Variants in MARCHF1 observed in about 807,000 individuals in gnomAD.
MARCHF1 encodes the protein membrane associated ring-CH-type finger 1.
Under a neutral mutation model 54.2 loss-of-function variants are expected in MARCHF1, and 40 were observed. That is an observed-to-expected ratio of 0.74 (90% CI 0.57 to 0.96). The LOEUF (loss-of-function observed/expected upper bound fraction) is 0.96, where lower values mean the gene tolerates loss of function less well. Among genes scored for constraint, MARCHF1 ranks in the 40% least tolerant of loss-of-function variants. MARCHF1 has a pLI of 0.00. For synonymous variants in MARCHF1, 236 were observed against 236.3 expected (o/e 1.00, Z 0.01); for missense variants, 586 against 656.5 (o/e 0.89, Z 1.17).
At chr4:164,024,752 T>C (rs1753731265) in intron 2 of MARCHF1, among the ~76,000 whole-genome samples, 1 of 152,100 alleles carries the variant, frequency 6.6e-6, no homozygotes, top group Non-Finnish European at 1.5e-5. Flanking sequence ...TAACCCTAAA[T>C]GTAAATGGTC....
chr4:164,287,341 C>T (rs1043079206), intron 1 of MARCHF1, among the ~76,000 whole-genome samples: 3 of 152,006 alleles, frequency 2.0e-5, no homozygotes, highest in African/African-American at 7.2e-5. Flanking sequence ...TTTGCTATTA[C>T]GTTCCTTGCC....
intron 8 of MARCHF1, among the ~76,000 whole-genome samples, chr4:163,573,711 A>G (rs1287603119): frequency 6.6e-6 from 1 of 151,782 alleles, no homozygotes; most frequent in Non-Finnish European, 1.5e-5. Context: ...CCAGTCTATC[A>G]TTGTTGGACA....
At chr4:163,722,386 T>C (rs183558342) in intron 4 of MARCHF1, among the ~76,000 whole-genome samples, 18 of 152,326 alleles carry the variant, frequency 1.2e-4, no homozygotes, top group African/African-American at 3.8e-4. Context: ...TGCACTGTGG[T>C]CTGAGAGGCA....
intron 1 of MARCHF1, among the ~76,000 whole-genome samples, chr4:164,168,778 C>G (rs1201058399): frequency 6.6e-6 from 1 of 152,052 alleles, no homozygotes; most frequent in Non-Finnish European, 1.5e-5. Context: ...CTGTGTATAA[C>G]TTTTTACTTC....
intron 7 of MARCHF1, among the ~76,000 whole-genome samples, chr4:163,590,847 G>A (rs549562248): frequency 9.2e-5 from 14 of 151,970 alleles, no homozygotes; most frequent in South Asian, 2.1e-4. Context: ...CATGTTCTGC[G>A]TGTTGTAAAA....
intron 1 of MARCHF1, among the ~76,000 whole-genome samples, chr4:164,272,547 A>G (rs2111311903): frequency 6.6e-6 from 1 of 152,158 alleles, no homozygotes; most frequent in Non-Finnish European, 1.5e-5. Flanking sequence ...CATTTATATG[A>G]AGTCCAAAAA....
At chr4:164,125,892 A>G (rs1756169282) in intron 1 of MARCHF1, among the ~76,000 whole-genome samples, 1 of 152,196 alleles carries the variant, frequency 6.6e-6, no homozygotes, top group African/African-American at 2.4e-5. Context: ...ATCTGAGGTG[A>G]AACAGTTTCA....
At chr4:164,142,831 T>C (rs1215419847) in intron 1 of MARCHF1, among the ~76,000 whole-genome samples, 1 of 152,112 alleles carries the variant, frequency 6.6e-6, no homozygotes, top group Admixed American at 6.5e-5. Context: ...AGAATGACTT[T>C]GACGAGCTGA....
intron 2 of MARCHF1, among the ~76,000 whole-genome samples, chr4:164,047,044 T>G (rs1442102831): frequency 6.6e-6 from 1 of 152,234 alleles, no homozygotes; most frequent in Non-Finnish European, 1.5e-5. Flanking sequence ...TAAACTTTTA[T>G]AAGTGTCATT....
intron 1 of MARCHF1, among the ~76,000 whole-genome samples, chr4:164,260,663 G>A (rs1383657514): frequency 2.6e-5 from 4 of 152,188 alleles, no homozygotes; most frequent in African/African-American, 9.7e-5. Flanking sequence ...ACACAATTGT[G>A]ACTATTTTTA....
At chr4:163,853,806 T>C (rs1749699522) in intron 4 of MARCHF1, among the ~76,000 whole-genome samples, 1 of 152,204 alleles carries the variant, frequency 6.6e-6, no homozygotes, top group Non-Finnish European at 1.5e-5. Flanking sequence ...AGAGAAACAG[T>C]TGTTTAATTG....
intron 3 of MARCHF1, among the ~76,000 whole-genome samples, chr4:163,895,284 A>T (rs1445397528): frequency 6.6e-6 from 1 of 152,186 alleles, no homozygotes; most frequent in Non-Finnish European, 1.5e-5. Flanking sequence ...GGAATTATTT[A>T]GCTTCATTAT....
At chr4:163,993,085 A>T (rs76999217) in intron 2 of MARCHF1, among the ~76,000 whole-genome samples, 2,828 of 152,200 alleles carry the variant, frequency 0.019, 75 homozygotes, top group African/African-American at 0.061. Flanking sequence ...AGGAACTTGA[A>T]TTTAAAGGTA....
intron 5 of MARCHF1, 136 bp downstream of exon 5, chr4:163,700,676 TA>T (rs1249464156): frequency 1.5e-6 from 1 of 648,584 alleles, no homozygotes; most frequent in East Asian, 2.8e-5. Context: ...AGTAAAAGCT[TA>T]AAAGAGTTAA....
chr4:163,625,775 T>C (rs943238932), intron 5 of MARCHF1, among the ~76,000 whole-genome samples: 2 of 152,248 alleles, frequency 1.3e-5, no homozygotes, highest in African/African-American at 4.8e-5. Flanking sequence ...TATGAATTTC[T>C]ATTTAGGAAA....
At chr4:164,294,151 AG>A (rs1734354621) in intron 1 of MARCHF1, among the ~76,000 whole-genome samples, 2 of 152,188 alleles carry the variant, frequency 1.3e-5, no homozygotes, top group African/African-American at 4.8e-5. Flanking sequence ...GTGGTTTGCC[AG>A]GGGCCCTTAG....
rs1041631666 is a variant in MARCHF1 at position 163,525,649 on chromosome 4, A to G, written c.*3099T>C. ...ATGTCTGGTTTAATACTGAAGATTC[A>G]TGATTATAAAGAGCCAAGGTTTTTA... On this transcript the variant is annotated 3_prime_UTR_variant, in exon 10 of 10. Transcript: ENST00000514618. 1.3e-5 allele frequency: 2 copies of G among 152,170 alleles called. No homozygotes were observed. Among genetic ancestry groups the G allele is most frequent in the African/African-American group, 2.4e-5 (1 of 41,448 alleles). 9.4% of individuals were successfully genotyped at this position (152,170 alleles called of 1,614,324 possible).
intron 5 of MARCHF1, among the ~76,000 whole-genome samples, chr4:163,695,860 C>A (rs1279598851): frequency 6.6e-6 from 1 of 152,050 alleles, no homozygotes; most frequent in Non-Finnish European, 1.5e-5. Context: ...GCTGACTTTT[C>A]TTCTTGAGGA....
intron 5 of MARCHF1, among the ~76,000 whole-genome samples, chr4:163,633,897 C>T (rs958318995): frequency 3.3e-5 from 5 of 152,214 alleles, no homozygotes; most frequent in East Asian, 1.9e-4. Flanking sequence ...CGGCGGATCT[C>T]ATGGCAGACA....
Sources: allele counts gnomAD v4.1 joint callset (sites outside exome capture counted in the v4.1 genomes callset), GRCh38; gene constraint gnomAD v4.1.1; transcripts MANE v1.5; gene names NCBI Gene and HGNC (gene_info 2026-07-23, HGNC 2026-07-21).